PLAAT5: variants seen among roughly 807,000 people sequenced by gnomAD.
The protein encoded by PLAAT5 is phospholipase A and acyltransferase 5.
Under a neutral mutation model 27.8 loss-of-function variants are expected in PLAAT5, and 27 were observed. That is an observed-to-expected ratio of 0.97 (90% CI 0.72 to 1.34). The LOEUF is 1.34. Among genes scored for constraint, PLAAT5 ranks in the 40% most tolerant of loss-of-function variants. PLAAT5 has a pLI of 0.00. For missense variants in PLAAT5, 368 were observed against 343.8 expected (o/e 1.07, Z -0.56); for synonymous variants, 125 against 136.1 (o/e 0.92, Z 0.57).
chr11:63,483,691 C>A (rs2016340333), intron 3 of PLAAT5, among the ~76,000 whole-genome samples: 1 of 122,294 alleles, frequency 8.2e-6, no homozygotes, highest in African/African-American at 3.1e-5. Flanking sequence ...CCTCAAGGAA[C>A]TAGAGAAACA....
chr11:63,488,927 A>G lies in PLAAT5; in HGVS notation c.289T>C (p.Trp97Arg). ...TTCTCAGGCTTTGGAATTGAACTCC[A>G]GTCTGCTTTCTGGCTGGGTGTGGTC... ...LETTPSQKAD[W>R]SSIPKPENEG... Residue 97 changes from tryptophan (W) to arginine (R), a missense_variant, in exon 3 of 6, where the codon TGG (tryptophan) becomes CGG (arginine). Coordinates refer to ENST00000540857, the MANE Select transcript of PLAAT5 (RefSeq NM_001146729.2). 6.2e-7 allele frequency: 1 copy of G among 1,613,886 alleles called. No homozygotes were observed. Among genetic ancestry groups the G allele is most frequent in the Non-Finnish European group, 8.5e-7 (1 of 1,179,850 alleles).
Position 63,490,835 on chromosome 11 carries a change from GGACCTGAAGGACAATT to G in PLAAT5, c.148+36_148+51del, listed in dbSNP as rs1428053530. On this transcript the variant is annotated intron_variant, in intron 1 of 5. Coordinates refer to ENST00000540857, the MANE Select transcript of PLAAT5 (RefSeq NM_001146729.2). ...GAGCTTTGAGGGTAACCGCCCGCTG[GGACCTGAAGGACAATT>G]GCGGATTGTCCTTCAGCCGCATTCT... 1,873 of 1,523,752 alleles carry G rather than the reference GGACCTGAAGGACAATT, an allele frequency of 1.2e-3. 6 individuals are homozygous for G. The highest frequency in any genetic ancestry group is 4.5e-3 in the Middle Eastern group (26 of 5,830). 94.4% of individuals were successfully genotyped at this position (1,523,752 alleles called of 1,614,324 possible). A position where few individuals can be genotyped will look rare whatever the true frequency, so the allele number is the denominator to read the frequency against.
chr11:63,469,286 C>A (rs2015956769), intron 3 of PLAAT5: 1 of 217,342 alleles, frequency 4.6e-6, no homozygotes, highest in East Asian at 1.1e-4. Context: ...GTTATCATCT[C>A]CTAGAGACCC....
At position 63,472,224 on chromosome 11, in the gene PLAAT5, A is replaced by G. The variant is rs189573125; in HGVS notation, c.346-3759T>C. On this transcript the variant is annotated intron_variant, in intron 3 of 5. Coordinates refer to ENST00000540857, the MANE Select transcript of PLAAT5 (RefSeq NM_001146729.2). Reference sequence around the variant, plus strand: ...AGTTGAAGAAAAAAAAAGGAAAGAAAAAAACAGCCCAAACAGCCATCAATA... The same window carrying G: ...AGTTGAAGAAAAAAAAAGGAAAGAAGAAAACAGCCCAAACAGCCATCAATA... 3.3e-4 allele frequency among the ~76,000 whole-genome samples: 50 copies of G among 152,336 alleles called. No homozygotes were observed. The East Asian group carries it at 8.3e-3, about 25-fold the overall frequency.
intron 3 of PLAAT5, among the ~76,000 whole-genome samples, chr11:63,473,402 A>C (rs2016076888): frequency 6.6e-6 from 1 of 152,204 alleles, no homozygotes; most frequent in Non-Finnish European, 1.5e-5. Flanking sequence ...TTTTATATGC[A>C]CTGGGAAACC....
intron 3 of PLAAT5, among the ~76,000 whole-genome samples, chr11:63,482,373 G>A (rs1408473562): frequency 6.6e-6 from 1 of 152,160 alleles, no homozygotes; most frequent in Non-Finnish European, 1.5e-5. Flanking sequence ...AAAAGCGTCA[G>A]GTAACCTAGA....
intron 3 of PLAAT5, among the ~76,000 whole-genome samples, chr11:63,483,787 ATATATATATATATGTATAT>A (rs1565215116): frequency 0.016 from 1,152 of 72,744 alleles, 59 homozygotes; most frequent in African/African-American, 0.085. Context: ...AAAAAAAAAT[ATATATATATATATGTATAT>A]ATATATATAT....
intron 5 of PLAAT5, among the ~76,000 whole-genome samples, chr11:63,465,075 C>G (rs2015822285): frequency 6.6e-6 from 1 of 152,066 alleles, no homozygotes. Context: ...GTCAGGCATT[C>G]AAGACCAGCC....
chr11:63,479,538 A>T (rs561678736), intron 3 of PLAAT5, among the ~76,000 whole-genome samples: 1 of 152,344 alleles, frequency 6.6e-6, no homozygotes, highest in Admixed American at 6.5e-5. Flanking sequence ...CAGATTTTTG[A>T]TTCATAGATT....
chr11:63,485,006 T>C (rs572692127), intron 3 of PLAAT5, among the ~76,000 whole-genome samples: 16 of 150,962 alleles, frequency 1.1e-4, no homozygotes, highest in African/African-American at 3.9e-4. Flanking sequence ...ATGACCAAGC[T>C]GAGAATCAAA....
intron 3 of PLAAT5, among the ~76,000 whole-genome samples, chr11:63,483,823 A>ATATATATATG (rs2016362327): frequency 8.7e-6 from 1 of 115,374 alleles, no homozygotes. Context: ...ATATATATAT[A>ATATATATATG]TATATATATA....
At chr11:63,486,512 A>C (rs189448411) in intron 3 of PLAAT5, among the ~76,000 whole-genome samples, 1 of 152,274 alleles carries the variant, frequency 6.6e-6, no homozygotes, top group African/African-American at 2.4e-5. Flanking sequence ...ATTCACAGCA[A>C]CCTGGATAGA....
At chr11:63,477,301 G>A (rs12272979) in intron 3 of PLAAT5, among the ~76,000 whole-genome samples, 1,686 of 152,092 alleles carry the variant, frequency 0.011, 27 homozygotes, top group African/African-American at 0.038. Context: ...GTAACATACC[G>A]TAGCAACTGT....
At chr11:63,467,442 G>T (rs1590605971) in intron 4 of PLAAT5, among the ~76,000 whole-genome samples, 1 of 152,140 alleles carries the variant, frequency 6.6e-6, no homozygotes, top group South Asian at 2.1e-4. Context: ...AAGGGGCTCT[G>T]CTCCATGGGA....
intron 3 of PLAAT5, among the ~76,000 whole-genome samples, chr11:63,474,067 A>C (rs1211972272): frequency 3.3e-5 from 5 of 152,014 alleles, no homozygotes; most frequent in Admixed American, 3.3e-4. Context: ...AATCTTAGTC[A>C]TTGTGTATAA....
chr11:63,486,978 T>G (rs1412522033), intron 3 of PLAAT5, among the ~76,000 whole-genome samples: 1 of 152,246 alleles, frequency 6.6e-6, no homozygotes, highest in African/African-American at 2.4e-5. Flanking sequence ...TCATGTTGTA[T>G]GTCCACTTCT....
In PLAAT5 at chr11:63,490,258, C is replaced by G; in HGVS notation, c.224G>C (p.Arg75Thr). 1 of 1,614,246 alleles carries G rather than the reference C, an allele frequency of 6.2e-7. No individual in the cohort carries two copies. The highest frequency in any genetic ancestry group is 8.5e-7 in the Non-Finnish European group (1 of 1,180,046). ...QPPPGTLEQG[R>T]SIQQGEKAVV... ...ATCTTCTTACCCTTGCTGGATGCTT[C>G]TGCCCTGTTCTAATGTGCCCGGCGG... Residue 75 changes from arginine to threonine, a missense_variant, in exon 2 of 6, where the codon AGA becomes ACA. Transcript: ENST00000540857.
intron 3 of PLAAT5, among the ~76,000 whole-genome samples, chr11:63,474,475 T>C (rs985536784): frequency 1.4e-4 from 22 of 152,182 alleles, no homozygotes; most frequent in African/African-American, 5.3e-4. Flanking sequence ...AAGTTTTTCA[T>C]AGTGTTCCCT....
In PLAAT5 at chr11:63,488,815, A is replaced by G; in HGVS notation, c.345+56T>C. 3 of 1,174,944 alleles carry G rather than the reference A, an allele frequency of 2.6e-6. No individual in the cohort carries two copies. The South Asian group carries it at 3.7e-5, about 15-fold the overall frequency. The allele number at this position is 1,174,944 out of a possible 1,614,324, so 72.8% of individuals were successfully genotyped here. ...AGAAACAAAGTAAAATACAATATGT[A>G]GAGAAGTTGCCAGGAGGTTAAAGAT... is the stretch of plus-strand genomic sequence containing the variant. On this transcript the variant is annotated intron_variant, in intron 3 of 5. Transcript: ENST00000540857.
Sources: gnomAD v4.1 joint callset for allele counts (sites outside exome capture counted in the v4.1 genomes callset) on GRCh38, gnomAD v4.1.1 for gene constraint, MANE v1.5 for transcripts, NCBI Gene and HGNC (gene_info 2026-07-23, HGNC 2026-07-21) for gene names.